Variants in IQGAP2 observed in about 807,000 individuals in gnomAD.
The protein encoded by IQGAP2 is ras GTPase-activating-like protein IQGAP2.
A neutral mutation model predicts 201.3 loss-of-function variants in IQGAP2; 173 were observed. That is an observed-to-expected ratio of 0.86 (90% CI 0.76 to 0.98). IQGAP2 has a LOEUF of 0.98. Ranked by LOEUF, IQGAP2 falls within the 50% of genes least tolerant of loss-of-function variation. The pLI is 0.00. For missense variants in IQGAP2, 1,687 were observed against 1,864.8 expected (o/e 0.90, Z 1.76); for synonymous variants, 675 against 673.9 (o/e 1.00, Z -0.03).
At chr5:76,677,175 C>A in intron 27 of IQGAP2, 43 bp from the exon 28 acceptor site, 1 of 1,577,322 alleles carries the variant, frequency 6.3e-7, no homozygotes, top group Non-Finnish European at 8.6e-7. Flanking sequence ...CTGTTTAATG[C>A]ACATGTTTGA....
rs1419476729 is a variant in IQGAP2, at chr5:76,496,756, T to TC, written c.146+35088dup. Among the ~76,000 whole-genome samples the TC allele has an allele frequency of 4.2e-4, 32 of 75,918 alleles. 1 individual carries two copies. The highest frequency in any genetic ancestry group is 1.4e-3 in the African/African-American group (21 of 14,566). 49.8% of individuals were successfully genotyped at this position (75,918 alleles called of 152,430 possible). On this transcript the variant is annotated intron_variant, in intron 2 of 35. Transcript: ENST00000274364. ...TTCTTTCTTTCTTTCTTTCTTTCTT[T>TC]CTTTCTTTCTTTCTTTCTTTCTTTC...
At chr5:76,695,379 C>T (rs1198754697) in intron 31 of IQGAP2, 75 bp from the exon 32 acceptor site, 3 of 1,251,072 alleles carry the variant, frequency 2.4e-6, no homozygotes, top group African/African-American at 1.5e-5. Flanking sequence ...TTGACATTAA[C>T]TTGCATTGTG....
intron 35 of IQGAP2, among the ~76,000 whole-genome samples, chr5:76,706,190 C>T (rs544346167): frequency 1.3e-4 from 20 of 152,150 alleles, no homozygotes; most frequent in African/African-American, 2.2e-4. Context: ...TACTCTAAAA[C>T]GTGCTGTATT....
intron 27 of IQGAP2, 28 bp from the exon 28 acceptor site, chr5:76,677,190 G>A: frequency 6.2e-7 from 1 of 1,606,818 alleles, no homozygotes; most frequent in South Asian, 1.1e-5. Context: ...GTTTGAGTCT[G>A]TCTTAAGACT....
chr5:76,450,655 T>C lies in IQGAP2; in HGVS notation c.47-10915T>C, dbSNP rs1753684251. The stretch of plus-strand genomic sequence containing the variant: ...GAGCTCAGCATGTTTGGTTCAAGTC[T>C]TGCTGCTTGCTGTTGGCACCATATG... On this transcript the variant is annotated intron_variant, in intron 1 of 35. Coordinates refer to ENST00000274364, the MANE Select transcript of IQGAP2 (RefSeq NM_006633.5). Among the ~76,000 whole-genome samples, 4 of 152,194 alleles carry C rather than the reference T, an allele frequency of 2.6e-5. No individual in the cohort carries two copies. In the South Asian group the frequency reaches 8.3e-4, roughly 32 times the overall value.
At chr5:76,493,709 A>G (rs1345598326) in intron 2 of IQGAP2, among the ~76,000 whole-genome samples, 1 of 152,056 alleles carries the variant, frequency 6.6e-6, no homozygotes, top group East Asian at 1.9e-4. Flanking sequence ...TTGTTTAACG[A>G]TGTGTCTCAA....
chr5:76,497,513 T>C lies in IQGAP2; in HGVS notation c.146+35844T>C, dbSNP rs114182328. ...CATTGCTTTGTTTCACTCAGATTCA[T>C]TGTCAAGCTTTAAACTTTCATTTGT... On this transcript the variant is annotated intron_variant, in intron 2 of 35. Transcript: ENST00000274364. Among the ~76,000 whole-genome samples the C allele has an allele frequency of 5.0e-3, 764 of 152,348 alleles. 1 individual carries two copies. Among genetic ancestry groups the C allele is most frequent in the Admixed American group, 8.0e-3 (123 of 15,304 alleles).
intron 35 of IQGAP2, among the ~76,000 whole-genome samples, chr5:76,705,484 G>A (rs1747795589): frequency 6.6e-6 from 1 of 152,180 alleles, no homozygotes; most frequent in African/African-American, 2.4e-5. Flanking sequence ...CTACTTTGGG[G>A]ACCCAGCTAC....
Position 76,640,984 on chromosome 5 carries a change from G to A in IQGAP2, c.1975G>A (p.Ala659Thr). 1 of 1,609,438 alleles carries A rather than the reference G, an allele frequency of 6.2e-7. No homozygotes were observed. The highest frequency in any genetic ancestry group is 8.5e-7 in the Non-Finnish European group (1 of 1,176,134). ...TTACATTCGTGAGAATATATGGTCTGCTTCAGAAGAGTTGCTTCTTCGCTT... is the reference window on the plus strand; with the variant it reads ...TTACATTCGTGAGAATATATGGTCTACTTCAGAAGAGTTGCTTCTTCGCTT... ...VGYIRENIWS[A>T]SEELLLRFQA... Residue 659 changes from alanine to threonine, a missense_variant, in exon 17 of 36, where the codon GCT becomes ACT. By Grantham distance (58) the Ala-to-Thr change is moderately conservative. Coordinates refer to ENST00000274364, the MANE Select transcript of IQGAP2 (RefSeq NM_006633.5).
At chr5:76,449,269 C>T (rs1473696905) in intron 1 of IQGAP2, among the ~76,000 whole-genome samples, 4 of 152,214 alleles carry the variant, frequency 2.6e-5, no homozygotes, top group Non-Finnish European at 4.4e-5. Context: ...TCAAACCTGA[C>T]TTCAAACTCT....
rs1744453580 is a variant in IQGAP2, at chr5:76,562,528, T to C, written c.279T>C (p.Tyr93=). ...APKMVSEKKI[Y]DVEQTRYKKS... is the part of the protein sequence containing the mutation. ...AAATGGTATCAGAGAAAAAGATCTATGATGTGGAACAAACACGTTATAAGG... is the reference window on the plus strand; with the variant it reads ...AAATGGTATCAGAGAAAAAGATCTACGATGTGGAACAAACACGTTATAAGG... The change falls in exon 3 of 36, where the codon TAT becomes TAC. Residue 93 remains tyrosine (Y), a synonymous_variant. Transcript: ENST00000274364. 2 of 1,614,072 alleles carry C rather than the reference T, an allele frequency of 1.2e-6. No homozygotes were observed. Among genetic ancestry groups the C allele is most frequent in the African/African-American group, 2.7e-5 (2 of 75,056 alleles).
intron 8 of IQGAP2, among the ~76,000 whole-genome samples, chr5:76,592,178 C>T (rs1746707675): frequency 6.6e-6 from 1 of 152,176 alleles, no homozygotes; most frequent in Admixed American, 6.5e-5. Context: ...TGTGTTAACC[C>T]ACCAGAGACA....
chr5:76,437,931 A>T (rs1298571257), intron 1 of IQGAP2, among the ~76,000 whole-genome samples: 2 of 145,346 alleles, frequency 1.4e-5, no homozygotes, highest in Non-Finnish European at 3.0e-5. Context: ...TATCTTTTTG[A>T]TGTGCCGTTG....
In IQGAP2 at chr5:76,665,191, C is replaced by T. The variant is rs1245559142; in HGVS notation, c.2679+16C>T. ...CCTTTTACAGGTGAGAACAATTTAT[C>T]GTTCACTCTGAGTTTGGGAGTAATA... is the stretch of plus-strand genomic sequence containing the variant. On this transcript the variant is annotated intron_variant, in intron 22 of 35. Coordinates refer to ENST00000274364, the MANE Select transcript of IQGAP2 (RefSeq NM_006633.5). 5 of 1,607,208 alleles carry T rather than the reference C, an allele frequency of 3.1e-6. No homozygotes were observed. Among genetic ancestry groups the T allele is most frequent in the South Asian group, 2.2e-5 (2 of 89,844 alleles).
chr5:76,446,504 G>A (rs1329364838), intron 1 of IQGAP2, among the ~76,000 whole-genome samples: 4 of 152,116 alleles, frequency 2.6e-5, no homozygotes, highest in Non-Finnish European at 2.9e-5. Flanking sequence ...AAATCTTCTG[G>A]TTAATCAGAT....
rs531000337 is a variant in IQGAP2 at position 76,496,797 on chromosome 5, T to C, written c.146+35128T>C. Among the ~76,000 whole-genome samples the C allele has an allele frequency of 1.8e-3, 264 of 143,102 alleles. 1 individual carries two copies. Among genetic ancestry groups the C allele is most frequent in the Non-Finnish European group, 3.2e-3 (212 of 65,964 alleles). The allele number at this position is 143,102 out of a possible 152,430, so 93.9% of individuals were successfully genotyped here. ...TCTTTCTTTCTTTCTTTCTTTCTCT[T>C]TCTTTCTTTCTCTTTCTTTCTTTCT... is the stretch of plus-strand genomic sequence containing the variant. On this transcript the variant is annotated intron_variant, in intron 2 of 35. Transcript: ENST00000274364.
rs767081902 is a variant in IQGAP2, at chr5:76,683,123, G to A, written c.3669G>A (p.Leu1223=). 1.2e-6 allele frequency: 2 copies of A among 1,607,110 alleles called. No individual in the cohort carries two copies. The highest frequency in any genetic ancestry group is 3.4e-5 in the Admixed American group (2 of 59,212). ...TTGCTTTCTACATAAAGCTCCTGTTGGAACACCAGGATGCAATTGCCCCTG... is the reference window on the plus strand; with the variant it reads ...TTGCTTTCTACATAAAGCTCCTGTTAGAACACCAGGATGCAATTGCCCCTG... ...EEIISTHSLL[L]EHQDAIAPEK... The change falls in exon 29 of 36, where the codon TTG becomes TTA. Residue 1223 remains leucine, a synonymous_variant. Coordinates refer to ENST00000274364, the MANE Select transcript of IQGAP2 (RefSeq NM_006633.5).
At chr5:76,609,309 A>G (rs1384030011) in intron 12 of IQGAP2, 18 of 1,412,674 alleles carry the variant, frequency 1.3e-5, no homozygotes, top group South Asian at 7.4e-5. Context: ...TATAAATCCT[A>G]TAGGGTAAAA....
chr5:76,590,440 G>C lies in IQGAP2; in HGVS notation c.673G>C (p.Val225Leu). ...TGCAGTTATAGCCATTAATGAAGCA[G>C]TTGAAAAAGGAATAGCAGAGCAAAC... ...HAAVIAINEA[V>L]EKGIAEQTVV... The change falls in exon 8 of 36, where the codon GTT (valine) becomes CTT (leucine). Residue 225 changes from valine to leucine, a missense_variant. Transcript: ENST00000274364. 6.2e-7 allele frequency: 1 copy of C among 1,610,232 alleles called. No homozygotes were observed. Among genetic ancestry groups the C allele is most frequent in the Non-Finnish European group, 8.5e-7 (1 of 1,178,660 alleles).
Sources: allele counts gnomAD v4.1 joint callset (sites outside exome capture counted in the v4.1 genomes callset), GRCh38; gene constraint gnomAD v4.1.1; transcripts MANE v1.5; gene names NCBI Gene and HGNC (gene_info 2026-07-23, HGNC 2026-07-21).